APBA1: variants seen among roughly 807,000 people sequenced by gnomAD.
The protein encoded by APBA1 is amyloid-beta A4 precursor protein-binding family A member 1.
A neutral mutation model predicts 86.6 loss-of-function variants in APBA1; 55 were observed. The observed-to-expected ratio is 0.64, with a 90% CI of 0.51 to 0.80. The LOEUF (loss-of-function observed/expected upper bound fraction) is 0.80. APBA1 is among the 30% of genes least tolerant of loss of function. The pLI is 0.00. For synonymous variants in APBA1, 511 were observed against 493.9 expected, an observed-to-expected ratio of 1.03 and a Z score of -0.46; for missense variants, 1,090 against 1,183.0, an observed-to-expected ratio of 0.92 and a Z score of 1.15.
At chr9:69,582,682 G>A (rs565381787) in intron 1 of APBA1, among the ~76,000 whole-genome samples, 1 of 152,140 alleles carries the variant, frequency 6.6e-6, no homozygotes, top group South Asian at 2.1e-4. Context: ...TTCCCATTTT[G>A]GTCCCACTTC....
At chr9:69,565,550 G>A (rs1837012220) in intron 1 of APBA1, among the ~76,000 whole-genome samples, 1 of 152,092 alleles carries the variant, frequency 6.6e-6, no homozygotes, top group South Asian at 2.1e-4. Context: ...CCACAAATGA[G>A]TTCATAATCT....
At chr9:69,465,624 G>T (rs1835265159) in intron 5 of APBA1, 1 of 152,218 alleles carries the variant, frequency 6.6e-6, no homozygotes, top group Non-Finnish European at 1.5e-5. Context: ...TGGATGGGCA[G>T]CTCCCCAAGA....
Position 69,594,258 on chromosome 9 carries a change from A to C in APBA1, c.-69-76979T>G, listed in dbSNP as rs999946400. Among the ~76,000 whole-genome samples, 9 of 152,292 alleles carry C rather than the reference A, an allele frequency of 5.9e-5. No homozygotes were observed. The East Asian group carries it at 1.7e-3, about 29-fold the overall frequency. On this transcript the variant is annotated intron_variant, in intron 1 of 12. Transcript: ENST00000265381. ...CACGGGGGTAGGGGGTGTCTTTAAA[A>C]TGCAGATTATGATGCAGTAGGTTTG...
At chr9:69,447,357 C>T (rs768479569) in intron 10 of APBA1, among the ~76,000 whole-genome samples, 8 of 152,200 alleles carry the variant, frequency 5.3e-5, no homozygotes, top group Non-Finnish European at 1.2e-4. Context: ...CCTCTCTCAT[C>T]GATTTCTCTC....
At position 69,516,650 on chromosome 9, in the gene APBA1, A is replaced by G. The variant is rs746144163; in HGVS notation, c.561T>C (p.Tyr187=). The change falls in exon 2 of 13, where the codon TAT becomes TAC. Residue 187 remains tyrosine, a synonymous_variant. Coordinates refer to ENST00000265381, the MANE Select transcript of APBA1 (RefSeq NM_001163.4). This position sits in a 1 kb window ranked among gnomAD's most constrained non-coding sequence, Gnocchi z 7.3. The part of the protein sequence containing the change: ...RGEDEPYSEP[Y]ADYGGLQEHV... ...GCTCCTGGAGGCCGCCGTAGTCGGC[A>G]TAGGGCTCGGAGTAGGGCTCGTCCT... 1.2e-5 allele frequency: 20 copies of G among 1,609,146 alleles called. No homozygotes were observed. Among genetic ancestry groups the G allele is most frequent in the Non-Finnish European group, 1.7e-5 (20 of 1,179,138 alleles).
chr9:69,657,010 T>C (rs1320767633), intron 1 of APBA1, among the ~76,000 whole-genome samples: 1 of 150,316 alleles, frequency 6.7e-6, no homozygotes, highest in Non-Finnish European at 1.5e-5. Flanking sequence ...CGCGCCCGGC[T>C]AATTTTTTGT....
At position 69,598,324 on chromosome 9, in the gene APBA1, C is replaced by A. The variant is rs575097310; in HGVS notation, c.-70+73829G>T. On this transcript the variant is annotated intron_variant, in intron 1 of 12. Coordinates refer to ENST00000265381, the MANE Select transcript of APBA1 (RefSeq NM_001163.4). ...GGGAGGGATAGCATTGGGAGATATACCTAATGCTAGGTGACGAGTTAGTGG... is the reference window on the plus strand; with the variant it reads ...GGGAGGGATAGCATTGGGAGATATAACTAATGCTAGGTGACGAGTTAGTGG... 3.3e-5 allele frequency among the ~76,000 whole-genome samples: 5 copies of A among 152,080 alleles called. No homozygotes were observed. The South Asian group carries it at 1.0e-3, about 32-fold the overall frequency.
chr9:69,501,041 A>G (rs2133871777), intron 2 of APBA1, among the ~76,000 whole-genome samples: 1 of 152,212 alleles, frequency 6.6e-6, no homozygotes, highest in South Asian at 2.1e-4. Flanking sequence ...TCAATCCATT[A>G]CCAGACTTGT....
At chr9:69,543,361 G>C (rs892851392) in intron 1 of APBA1, among the ~76,000 whole-genome samples, 22 of 151,960 alleles carry the variant, frequency 1.4e-4, no homozygotes, top group African/African-American at 5.1e-4. Context: ...CTCTGGGGCA[G>C]AGCAAGGAAA....
intron 1 of APBA1, among the ~76,000 whole-genome samples, chr9:69,554,205 T>C (rs760112987): frequency 5.9e-5 from 9 of 152,236 alleles, no homozygotes; most frequent in East Asian, 1.9e-4. Context: ...GATTCTTCCA[T>C]AGGACACATA....
At chr9:69,468,024 C>G in intron 4 of APBA1, 56 bp from the exon 5 acceptor site, 3 of 1,587,086 alleles carry the variant, frequency 1.9e-6, no homozygotes, top group Non-Finnish European at 2.6e-6. Context: ...CCTGCCAACC[C>G]CCTCAATGGC....
At chr9:69,624,351 C>T (rs1300739418) in intron 1 of APBA1, among the ~76,000 whole-genome samples, 2 of 152,088 alleles carry the variant, frequency 1.3e-5, no homozygotes, top group African/African-American at 4.8e-5. Context: ...CAAGCAAGAT[C>T]CCAAATGAAA....
intron 1 of APBA1, among the ~76,000 whole-genome samples, chr9:69,573,508 G>C (rs1413093510): frequency 6.6e-6 from 1 of 152,156 alleles, no homozygotes; most frequent in Non-Finnish European, 1.5e-5. Flanking sequence ...TGTATTTACA[G>C]AATACAATTC....
chr9:69,609,303 A>G (rs1274152452), intron 1 of APBA1, among the ~76,000 whole-genome samples: 1 of 152,214 alleles, frequency 6.6e-6, no homozygotes, highest in Non-Finnish European at 1.5e-5. Flanking sequence ...CCTAATAAAA[A>G]GAGCTATCAT....
intron 8 of APBA1, among the ~76,000 whole-genome samples, 166 bp from the exon 9 acceptor site, chr9:69,452,467 G>A (rs1250583994): frequency 1.3e-5 from 2 of 152,190 alleles, no homozygotes; most frequent in Non-Finnish European, 2.9e-5. Context: ...TGCCCACCAG[G>A]GGCAATTTTC....
At position 69,516,753 on chromosome 9, in the gene APBA1, TG is replaced by T; in HGVS notation, c.457del (p.His153ThrfsTer9). ...CATGGCTTCCTCGTGCTCCAGCGAG[TG>T]GAAGTGCAGGTGGTTGGGCAGCGCG... ...RRALPNHLHF[H>X]SLEHEEAMNA... On this transcript the variant is annotated frameshift_variant, in exon 2 of 13. Transcript: ENST00000265381. LOFTEE classifies it high-confidence loss of function. The surrounding 1 kb of genome is among the most constrained non-coding windows in gnomAD (Gnocchi z 7.3). 1 of 1,611,768 alleles carries T rather than the reference TG, an allele frequency of 6.2e-7. No individual in the cohort carries two copies. Among genetic ancestry groups the T allele is most frequent in the Non-Finnish European group, 8.5e-7 (1 of 1,179,378 alleles).
chr9:69,467,060 C>T (rs1444546772), intron 5 of APBA1, among the ~76,000 whole-genome samples: 2 of 152,208 alleles, frequency 1.3e-5, no homozygotes, highest in Non-Finnish European at 2.9e-5. Flanking sequence ...GACATAAACA[C>T]ACCTTAAGTG....
chr9:69,489,211 C>T (rs957410031), intron 2 of APBA1, among the ~76,000 whole-genome samples: 2 of 152,098 alleles, frequency 1.3e-5, no homozygotes, highest in Non-Finnish European at 2.9e-5. Context: ...AGGCATCACA[C>T]TACCTGAATT....
At chr9:69,621,476 G>T (rs1822816870) in intron 1 of APBA1, among the ~76,000 whole-genome samples, 1 of 152,156 alleles carries the variant, frequency 6.6e-6, no homozygotes, top group Admixed American at 6.5e-5. Context: ...TCTTATCCAT[G>T]GAGAAACTGT....
Sources: gnomAD v4.1 joint callset for allele counts (sites outside exome capture counted in the v4.1 genomes callset) on GRCh38, gnomAD v4.1.1 for gene constraint, Gnocchi (gnomAD v3.1) non-coding constraint, MANE v1.5 for transcripts, NCBI Gene and HGNC (gene_info 2026-07-23, HGNC 2026-07-21) for gene names.